VWA3B: variants seen among roughly 807,000 people sequenced by gnomAD.
VWA3B encodes the protein von Willebrand factor A domain containing 3B.
In VWA3B, 138 loss-of-function variants were observed where a neutral mutation model predicts 158.3. The ratio of observed to expected loss-of-function variants is 0.87; its 90% confidence interval spans 0.76 to 1.00. The LOEUF is 1.00. Ranked by LOEUF, VWA3B falls within the 50% of genes least tolerant of loss-of-function variation. The pLI is 0.00. For missense variants in VWA3B, 1,555 were observed against 1,565.1 expected, an observed-to-expected ratio of 0.99 and a Z score of 0.11; for synonymous variants, 596 against 587.3, an observed-to-expected ratio of 1.01 and a Z score of -0.21.
chr2:98,096,204 C>G (rs943682773), intron 2 of VWA3B, among the ~76,000 whole-genome samples: 3 of 151,750 alleles, frequency 2.0e-5, no homozygotes, highest in Non-Finnish European at 4.4e-5. Context: ...GGTATTAGTT[C>G]TTCTTTAAAT....
chr2:98,138,769 C>G (rs1676486327), intron 7 of VWA3B, among the ~76,000 whole-genome samples: 1 of 152,196 alleles, frequency 6.6e-6, no homozygotes, highest in South Asian at 2.1e-4. Context: ...AAGCTGAGTG[C>G]CTGAACCTGG....
Position 98,149,987 on chromosome 2 carries a change from T to A in VWA3B, c.989-12864T>A, listed in dbSNP as rs1677493642. ...TATTTGTATGAATCTTCATTTCTTA[T>A]AATGAGTTTGATAAATAAATTGTAA... On this transcript the variant is annotated intron_variant, in intron 7 of 27. Transcript: ENST00000477737. Among the ~76,000 whole-genome samples the A allele has an allele frequency of 2.0e-5, 3 of 152,358 alleles. No homozygotes were observed. In the South Asian group the frequency reaches 6.2e-4, roughly 32 times the overall value.
chr2:98,180,175 C>CTCTT lies in VWA3B; in HGVS notation c.1115-833_1115-830dup, dbSNP rs1476528245. On this transcript the variant is annotated intron_variant, in intron 8 of 27. Coordinates refer to ENST00000477737, the MANE Select transcript of VWA3B (RefSeq NM_144992.5). ...TCTTTCTTTCTTTTCTTCTCTCTCT[C>CTCTT]TCTTTCTTTCTGTCTTTCTTTCATT... Among the ~76,000 whole-genome samples, 18 of 138,584 alleles carry CTCTT rather than the reference C, an allele frequency of 1.3e-4. No individual in the cohort carries two copies. The East Asian group carries it at 2.7e-3, about 21-fold the overall frequency. The allele number at this position is 138,584 out of a possible 152,430, so 90.9% of individuals were successfully genotyped here.
At chr2:98,152,751 T>A (rs1677740330) in intron 7 of VWA3B, among the ~76,000 whole-genome samples, 1 of 152,176 alleles carries the variant, frequency 6.6e-6, no homozygotes, top group South Asian at 2.1e-4. Context: ...GACTCAGCAG[T>A]GGAACGAACA....
chr2:98,253,894 C>T (rs1164984431), intron 20 of VWA3B, among the ~76,000 whole-genome samples: 1 of 152,146 alleles, frequency 6.6e-6, no homozygotes, highest in African/African-American at 2.4e-5. Context: ...GCCTGAATCC[C>T]ACAGGGACTC....
chr2:98,105,452 A>G (rs1673567493), intron 2 of VWA3B, among the ~76,000 whole-genome samples: 1 of 149,676 alleles, frequency 6.7e-6, no homozygotes, highest in South Asian at 2.1e-4. Context: ...AGATTTCTGT[A>G]ACCACCACTA....
At chr2:98,293,483 AC>A in intron 23 of VWA3B, among the ~76,000 whole-genome samples, 1 of 152,250 alleles carries the variant, frequency 6.6e-6, no homozygotes, top group Non-Finnish European at 1.5e-5. Flanking sequence ...GAATAACTTT[AC>A]TTTCATGATT....
At chr2:98,176,349 CAT>C (rs1197872041) in intron 8 of VWA3B, among the ~76,000 whole-genome samples, 1 of 136,266 alleles carries the variant, frequency 7.3e-6, no homozygotes, top group Non-Finnish European at 1.6e-5. Flanking sequence ...CACCACTTAA[CAT>C]GTGAATTTCA....
At chr2:98,131,408 C>T (rs1457716353) in intron 6 of VWA3B, among the ~76,000 whole-genome samples, 1 of 152,222 alleles carries the variant, frequency 6.6e-6, no homozygotes, top group Non-Finnish European at 1.5e-5. Flanking sequence ...CTGTAATAAA[C>T]ACAGGGTGCA....
At chr2:98,257,049 A>C (rs1687199785) in intron 21 of VWA3B, among the ~76,000 whole-genome samples, 2 of 151,980 alleles carry the variant, frequency 1.3e-5, no homozygotes, top group Admixed American at 1.3e-4. Flanking sequence ...TTTTCCTTCT[A>C]CCTAACTGTA....
At chr2:98,187,129 C>T (rs1432834780) in intron 9 of VWA3B, among the ~76,000 whole-genome samples, 1 of 152,170 alleles carries the variant, frequency 6.6e-6, no homozygotes, top group East Asian at 1.9e-4. Context: ...TCCTAGCTCA[C>T]TGTCTCTGGG....
intron 7 of VWA3B, 115 bp downstream of exon 7, chr2:98,134,054 T>C: frequency 3.5e-6 from 3 of 847,392 alleles, no homozygotes; most frequent in Non-Finnish European, 5.7e-6. Context: ...TGTATAATGT[T>C]ATTAATGTAG....
chr2:98,270,708 A>G lies in VWA3B; in HGVS notation c.2870A>G (p.Tyr957Cys). 1 of 1,614,126 alleles carries G rather than the reference A, an allele frequency of 6.2e-7. No homozygotes were observed. The highest frequency in any genetic ancestry group is 1.1e-5 in the South Asian group (1 of 91,078). The change falls in exon 22 of 28, where the codon TAC (tyrosine) becomes TGC (cysteine). Residue 957 changes from tyrosine (Y) to cysteine (C), a missense_variant. Transcript: ENST00000477737. Reference protein sequence around the residue: ...EKLDANKPIQYLENKTVLNQA... With the variant: ...EKLDANKPIQCLENKTVLNQA... ...TTAGATGCAAACAAACCAATACAGTACTTGGAAAACAAAACAGTTTTAAAC... is the reference window on the plus strand; with the variant it reads ...TTAGATGCAAACAAACCAATACAGTGCTTGGAAAACAAAACAGTTTTAAAC...
intron 2 of VWA3B, among the ~76,000 whole-genome samples, chr2:98,102,681 CTT>C (rs1378994834): frequency 3.3e-5 from 5 of 152,214 alleles, no homozygotes; most frequent in Admixed American, 3.3e-4. Context: ...TGCTCCGTAA[CTT>C]TCTTTTCTTG....
intron 23 of VWA3B, among the ~76,000 whole-genome samples, chr2:98,297,110 T>C (rs189778141): frequency 8.3e-4 from 127 of 152,136 alleles, no homozygotes; most frequent in Admixed American, 2.7e-3. Flanking sequence ...AGACATAATT[T>C]TGCTTTTGTC....
intron 2 of VWA3B, among the ~76,000 whole-genome samples, chr2:98,115,383 T>C (rs992324790): frequency 2.6e-5 from 4 of 152,182 alleles, no homozygotes; most frequent in South Asian, 2.1e-4. Flanking sequence ...ACATGTCACA[T>C]GTATACATAT....
In VWA3B at chr2:98,281,991, G is replaced by A. The variant is rs76484133; in HGVS notation, c.3046-8520G>A. On this transcript the variant is annotated intron_variant, in intron 22 of 27. Transcript: ENST00000477737. ...ACCCATGGGTTTCTTTTTAGACCTC[G>A]GTAGTTTGCATGTATTTTGTGTGCA... Among the ~76,000 whole-genome samples the A allele has an allele frequency of 2.9e-3, 449 of 152,260 alleles. 1 individual carries two copies. The highest frequency in any genetic ancestry group is 9.8e-3 in the African/African-American group (409 of 41,530).
At chr2:98,108,431 A>C (rs1233202414) in intron 2 of VWA3B, among the ~76,000 whole-genome samples, 1 of 152,154 alleles carries the variant, frequency 6.6e-6, no homozygotes, top group Non-Finnish European at 1.5e-5. Context: ...TCTATCAGTT[A>C]TTGAGAAAGC....
Position 98,230,081 on chromosome 2 carries a change from A to G in VWA3B, c.2182A>G (p.Thr728Ala). ...AAAGGAAATCTGTTCTATGATTTCA[A>G]CCCCAGAAAAGTGTGCAAAGCCTCA... ...HQKEICSMIS[T>A]PEKCAKPQSD... Residue 728 changes from threonine to alanine, a missense_variant, in exon 16 of 28, where the codon ACC (threonine) becomes GCC (alanine). Coordinates refer to ENST00000477737, the MANE Select transcript of VWA3B (RefSeq NM_144992.5). 1.3e-6 allele frequency: 2 copies of G among 1,594,694 alleles called. No homozygotes were observed. The highest frequency in any genetic ancestry group is 2.3e-5 in the South Asian group (2 of 86,612).
Sources: gnomAD v4.1 joint callset for allele counts (sites outside exome capture counted in the v4.1 genomes callset) on GRCh38, gnomAD v4.1.1 for gene constraint, MANE v1.5 for transcripts, NCBI Gene and HGNC (gene_info 2026-07-23, HGNC 2026-07-21) for gene names.